The following TUSC3 variants were observed in gnomAD, a reference collection of about 807,000 sequenced individuals.
The protein encoded by TUSC3 is dolichyl-diphosphooligosaccharide--protein glycosyltransferase subunit TUSC3.
In TUSC3, 45 loss-of-function variants were observed where a neutral mutation model predicts 44.8. The ratio of observed to expected loss-of-function variants is 1.00; its 90% CI spans 0.79 to 1.29. TUSC3 has a LOEUF of 1.29. Ranked by LOEUF, TUSC3 falls within the 50% of genes most tolerant of loss-of-function variation. TUSC3 has a pLI of 0.00. For synonymous variants in TUSC3, 212 were observed against 152.9 expected (o/e 1.39, Z -2.85); for missense variants, 519 against 437.9 (o/e 1.19, Z -1.65).
chr8:15,553,554 G>A (rs1802129779), intron 1 of TUSC3, among the ~76,000 whole-genome samples: 1 of 101,378 alleles, frequency 9.9e-6, no homozygotes, highest in Non-Finnish European at 2.2e-5. Context: ...AATGTTCCAA[G>A]GAGAGGTCAA....
At chr8:15,840,598 T>A in the TUSC3 span, among the ~76,000 whole-genome samples, 1 of 152,150 alleles carries the variant, frequency 6.6e-6, no homozygotes, top group Non-Finnish European at 1.5e-5. Flanking sequence ...AGGTTTCTAA[T>A]TTCTGAAGTT....
At chr8:15,687,616 C>G (rs1307275865) in intron 6 of TUSC3, among the ~76,000 whole-genome samples, 1 of 152,166 alleles carries the variant, frequency 6.6e-6, no homozygotes, top group East Asian at 1.9e-4. Flanking sequence ...CTGACTGAAT[C>G]TTGATTGCCA....
At chr8:15,827,285 C>A in the TUSC3 span, among the ~76,000 whole-genome samples, 1 of 152,262 alleles carries the variant, frequency 6.6e-6, no homozygotes, top group Admixed American at 6.5e-5. Context: ...GAAAACAAAC[C>A]AGTTACGGAG....
intron 1 of TUSC3, among the ~76,000 whole-genome samples, chr8:15,433,000 G>A (rs1322824250): frequency 6.6e-6 from 1 of 152,158 alleles, no homozygotes; most frequent in Non-Finnish European, 1.5e-5. Context: ...CCTGCCAGGA[G>A]TACAAGGGGA....
chr8:15,847,908 T>C, the TUSC3 span, among the ~76,000 whole-genome samples: 1 of 152,046 alleles, frequency 6.6e-6, no homozygotes, highest in African/African-American at 2.4e-5. Flanking sequence ...ACCTGTGAGG[T>C]TATTGTGAGA....
At chr8:15,786,445 G>A in the TUSC3 span, among the ~76,000 whole-genome samples, 27 of 152,138 alleles carry the variant, frequency 1.8e-4, no homozygotes, top group Non-Finnish European at 1.2e-4. Flanking sequence ...AAGAGAGAAA[G>A]TACTCAAAGG....
the TUSC3 span, among the ~76,000 whole-genome samples, chr8:15,827,639 T>C: frequency 2.0e-5 from 3 of 152,156 alleles, no homozygotes; most frequent in Non-Finnish European, 4.4e-5. Context: ...TACCCTCAGA[T>C]TTTGCTAATG....
At chr8:15,592,005 AG>A (rs1803862652) in intron 1 of TUSC3, among the ~76,000 whole-genome samples, 1 of 152,172 alleles carries the variant, frequency 6.6e-6, no homozygotes, top group Non-Finnish European at 1.5e-5. Flanking sequence ...CAGCTATAGT[AG>A]TCTAGGTAAG....
intron 6 of TUSC3, among the ~76,000 whole-genome samples, chr8:15,721,562 T>C (rs1305446778): frequency 6.6e-6 from 1 of 152,052 alleles, no homozygotes; most frequent in Admixed American, 6.6e-5. Context: ...TGTATTCACA[T>C]TAAAAGCTAT....
the TUSC3 span, among the ~76,000 whole-genome samples, chr8:15,776,876 T>A: frequency 6.6e-6 from 1 of 152,238 alleles, no homozygotes; most frequent in South Asian, 2.1e-4. Flanking sequence ...CAGGGTAACA[T>A]GATGGGCAAA....
At chr8:15,671,750 G>A (rs143731788) in intron 5 of TUSC3, among the ~76,000 whole-genome samples, 63 of 152,086 alleles carry the variant, frequency 4.1e-4, no homozygotes, top group African/African-American at 1.5e-3. Flanking sequence ...TCTGTCTCAT[G>A]TTTTTGTTCA....
intron 2 of TUSC3, among the ~76,000 whole-genome samples, chr8:15,530,166 C>G (rs1170719951): frequency 1.3e-5 from 2 of 151,972 alleles, no homozygotes; most frequent in African/African-American, 2.4e-5. Context: ...CATCTTTGCT[C>G]TCTGGTAGTC....
intron 2 of TUSC3, among the ~76,000 whole-genome samples, chr8:15,514,807 C>G (rs1245625554): frequency 6.6e-6 from 1 of 152,140 alleles, no homozygotes; most frequent in Non-Finnish European, 1.5e-5. Flanking sequence ...GACCTCAGTT[C>G]AGAATTATGA....
intron 1 of TUSC3, among the ~76,000 whole-genome samples, chr8:15,566,549 T>C (rs1256539218): frequency 1.3e-5 from 2 of 152,050 alleles, no homozygotes; most frequent in South Asian, 2.1e-4. Context: ...TTTCATCATA[T>C]ATTCCTCAGA....
the TUSC3 span, among the ~76,000 whole-genome samples, chr8:15,775,639 T>TACAC: frequency 8.7e-6 from 1 of 114,494 alleles, no homozygotes; most frequent in Non-Finnish European, 1.9e-5. Flanking sequence ...GACACATATA[T>TACAC]ATATATATAT....
chr8:15,637,975 T>G (rs1418071489), intron 2 of TUSC3, among the ~76,000 whole-genome samples: 2 of 152,176 alleles, frequency 1.3e-5, no homozygotes, highest in Non-Finnish European at 2.9e-5. Context: ...GTCTGCTTCT[T>G]CTAAGTTGTT....
chr8:15,762,213 T>C (rs1812192771), intron 10 of TUSC3, among the ~76,000 whole-genome samples: 1 of 152,004 alleles, frequency 6.6e-6, no homozygotes, highest in Non-Finnish European at 1.5e-5. Context: ...AAGAAATTTT[T>C]ATAACTATTT....
rs1388956196 is a variant in TUSC3, at chr8:15,578,249, G to C, written c.138+37681G>C. Among the ~76,000 whole-genome samples, 211 of 105,844 alleles carry C rather than the reference G, an allele frequency of 2.0e-3. 1 individual carries two copies. The East Asian group carries it at 0.026, about 13-fold the overall frequency. 69.4% of individuals were successfully genotyped at this position (105,844 alleles called of 152,430 possible). On this transcript the variant is annotated intron_variant, in intron 1 of 10. Coordinates refer to ENST00000503731, the MANE Select transcript of TUSC3 (RefSeq NM_006765.4). Reference sequence around the variant, plus strand: ...TGGGGTTTTCTAGATATACAATCATGTCGTCTGCAAACAGGGACAATTTGA... The same window carrying C: ...TGGGGTTTTCTAGATATACAATCATCTCGTCTGCAAACAGGGACAATTTGA...
At chr8:15,475,576 T>C (rs1800563692) in intron 1 of TUSC3, among the ~76,000 whole-genome samples, 1 of 152,164 alleles carries the variant, frequency 6.6e-6, no homozygotes, top group Non-Finnish European at 1.5e-5. Flanking sequence ...GTCACTTCTA[T>C]AGAGTTGAAA....
Sources: gnomAD v4.1 joint callset for allele counts (sites outside exome capture counted in the v4.1 genomes callset) on GRCh38, gnomAD v4.1.1 for gene constraint, MANE v1.5 for transcripts, NCBI Gene and HGNC (gene_info 2026-07-23, HGNC 2026-07-21) for gene names.